The following LMCD1 variants were observed in gnomAD, a reference collection of about 807,000 sequenced individuals.
LMCD1 encodes LIM and cysteine-rich domains protein 1.
Under a neutral mutation model 42.7 loss-of-function variants are expected in LMCD1, and 32 were observed. The observed-to-expected ratio is 0.75, with a 90% CI of 0.57 to 1.01. LMCD1 has a LOEUF of 1.01. Among genes scored for constraint, LMCD1 ranks in the 50% least tolerant of loss-of-function variants. LMCD1 has a pLI of 0.00. For missense variants in LMCD1, 458 were observed against 483.1 expected, an observed-to-expected ratio of 0.95 and a Z score of 0.49; for synonymous variants, 178 against 184.9, an observed-to-expected ratio of 0.96 and a Z score of 0.30.
At chr3:8,531,189 G>A (rs558059990) in intron 1 of LMCD1, among the ~76,000 whole-genome samples, 1 of 152,160 alleles carries the variant, frequency 6.6e-6, no homozygotes, top group Non-Finnish European at 1.5e-5. Flanking sequence ...AATGCAAAGA[G>A]AGTAGACTAG....
chr3:8,542,082 C>G (rs1211802000), intron 3 of LMCD1, among the ~76,000 whole-genome samples: 1 of 150,904 alleles, frequency 6.6e-6, no homozygotes, highest in African/African-American at 2.4e-5. Flanking sequence ...ACAACCTCCG[C>G]CTCCTGGGTT....
At chr3:8,507,248 C>G (rs1448276874) in intron 1 of LMCD1, among the ~76,000 whole-genome samples, 1 of 152,192 alleles carries the variant, frequency 6.6e-6, no homozygotes, top group Non-Finnish European at 1.5e-5. Flanking sequence ...AGAAAATGCT[C>G]TCTATAAAAC....
At chr3:8,554,257 G>T (rs1400946111) in intron 4 of LMCD1, among the ~76,000 whole-genome samples, 2 of 152,132 alleles carry the variant, frequency 1.3e-5, no homozygotes, top group African/African-American at 4.8e-5. Flanking sequence ...ACCCTGGGGC[G>T]CAGTGAGGTT....
chr3:8,538,551 C>A (rs11707002), intron 3 of LMCD1, among the ~76,000 whole-genome samples: 1 of 151,948 alleles, frequency 6.6e-6, no homozygotes, highest in African/African-American at 2.4e-5. Context: ...CCTTAAGACA[C>A]TCTGACTTCC....
At chr3:8,524,704 G>GTTGTTA (rs58563776) in intron 1 of LMCD1, among the ~76,000 whole-genome samples, 1 of 151,770 alleles carries the variant, frequency 6.6e-6, no homozygotes, top group Non-Finnish European at 1.5e-5. Context: ...TGTTGTTGTT[G>GTTGTTA]AGACAGGGCT....
At chr3:8,550,917 G>A in intron 4 of LMCD1, 1 of 985,394 alleles carries the variant, frequency 1.0e-6, no homozygotes, top group Non-Finnish European at 1.2e-6. Context: ...TCGCATATTT[G>A]TTCTGTGTGG....
At chr3:8,563,339 A>C (rs1695072637) in intron 4 of LMCD1, among the ~76,000 whole-genome samples, 1 of 152,234 alleles carries the variant, frequency 6.6e-6, no homozygotes, top group Non-Finnish European at 1.5e-5. Context: ...TTAATCAGGC[A>C]AACAGGAACG....
At chr3:8,530,602 G>C (rs922662252) in intron 1 of LMCD1, among the ~76,000 whole-genome samples, 2 of 152,270 alleles carry the variant, frequency 1.3e-5, no homozygotes, top group African/African-American at 4.8e-5. Context: ...CTACCTCTCC[G>C]GTTTCCAGCC....
At chr3:8,549,988 C>A (rs1202489338) in intron 4 of LMCD1, 5 of 1,466,236 alleles carry the variant, frequency 3.4e-6, no homozygotes, top group South Asian at 1.2e-5. Flanking sequence ...CCCCACCTCT[C>A]AATACTGCCA....
chr3:8,526,964 C>T (rs1416247606), intron 1 of LMCD1, among the ~76,000 whole-genome samples: 2 of 152,120 alleles, frequency 1.3e-5, no homozygotes, highest in African/African-American at 2.4e-5. Context: ...GCAAGAGGCT[C>T]AGGTGGTTGG....
chr3:8,554,521 AC>A (rs1377454594), intron 4 of LMCD1, among the ~76,000 whole-genome samples: 1 of 152,028 alleles, frequency 6.6e-6, no homozygotes. Flanking sequence ...TCCCATGTCC[AC>A]CCCCAGTTCC....
At chr3:8,522,839 C>T (rs566446915) in intron 1 of LMCD1, among the ~76,000 whole-genome samples, 3 of 152,234 alleles carry the variant, frequency 2.0e-5, no homozygotes, top group Admixed American at 2.0e-4. Context: ...GGGAATATAT[C>T]ATTTGTCATA....
At chr3:8,533,600 T>C (rs897408211) in intron 2 of LMCD1, among the ~76,000 whole-genome samples, 1 of 152,232 alleles carries the variant, frequency 6.6e-6, no homozygotes, top group African/African-American at 2.4e-5. Flanking sequence ...GTTTGGAAGG[T>C]GTTTTCGCAG....
chr3:8,556,473 A>G (rs1445810328), intron 4 of LMCD1, among the ~76,000 whole-genome samples: 1 of 152,100 alleles, frequency 6.6e-6, no homozygotes, highest in Non-Finnish European at 1.5e-5. Context: ...GATTACAGAC[A>G]AAAACAAAAA....
At chr3:8,510,369 T>A (rs1360220914) in intron 1 of LMCD1, among the ~76,000 whole-genome samples, 1 of 152,188 alleles carries the variant, frequency 6.6e-6, no homozygotes, top group Non-Finnish European at 1.5e-5. Context: ...GAGGTCAGCA[T>A]CTGGGGGCTT....
At chr3:8,547,637 A>G (rs976534133) in intron 3 of LMCD1, among the ~76,000 whole-genome samples, 1 of 152,184 alleles carries the variant, frequency 6.6e-6, no homozygotes, top group Non-Finnish European at 1.5e-5. Flanking sequence ...TCATGCCTGT[A>G]ATCCCAGCAC....
At chr3:8,512,002 G>A (rs1694010992) in intron 1 of LMCD1, among the ~76,000 whole-genome samples, 1 of 152,148 alleles carries the variant, frequency 6.6e-6, no homozygotes, top group Admixed American at 6.5e-5. Context: ...AATATATATG[G>A]AAAGAAAGGA....
In LMCD1 at chr3:8,532,828, A is replaced by G; in HGVS notation, c.131+3A>G. On this transcript the variant is annotated splice_donor_region_variant and intron_variant, in intron 2 of 5. Transcript: ENST00000157600. ...GGCTTCGAGCCACATTCATGGAGGTAACAGATTTTGTCAGGAGGGTCCCTG... is the reference window on the plus strand; with the variant it reads ...GGCTTCGAGCCACATTCATGGAGGTGACAGATTTTGTCAGGAGGGTCCCTG... The G allele has an allele frequency of 6.2e-7, 1 of 1,612,698 alleles. No homozygotes were observed. The highest frequency in any genetic ancestry group is 8.5e-7 in the Non-Finnish European group (1 of 1,179,070).
At chr3:8,556,719 A>G (rs1694938181) in intron 4 of LMCD1, among the ~76,000 whole-genome samples, 1 of 152,216 alleles carries the variant, frequency 6.6e-6, no homozygotes, top group South Asian at 2.1e-4. Flanking sequence ...TCCTTTTGCA[A>G]GGAGCCAGTC....
Sources: allele counts gnomAD v4.1 joint callset (sites outside exome capture counted in the v4.1 genomes callset), GRCh38; gene constraint gnomAD v4.1.1; transcripts MANE v1.5; gene names NCBI Gene and HGNC (gene_info 2026-07-23, HGNC 2026-07-21).